FDX1: variants seen among roughly 807,000 people sequenced by gnomAD.
FDX1 encodes ferredoxin 1.
A neutral mutation model predicts 14.9 loss-of-function variants in FDX1; 9 were observed. That is an observed-to-expected ratio of 0.60 (90% CI 0.36 to 1.05). The LOEUF is 1.05. Among genes scored for constraint, FDX1 ranks in the 50% least tolerant of loss-of-function variants. The pLI is 0.01. For synonymous variants in FDX1, 92 were observed against 99.4 expected (o/e 0.93, Z 0.44); for missense variants, 204 against 237.2 (o/e 0.86, Z 0.92).
At chr11:110,439,731 A>G (rs1048343343) in intron 2 of FDX1, among the ~76,000 whole-genome samples, 1 of 152,192 alleles carries the variant, frequency 6.6e-6, no homozygotes, top group Non-Finnish European at 1.5e-5. Context: ...TTGAGGACTT[A>G]GTCATAAAAA....
At position 110,463,286 on chromosome 11, in the gene FDX1, T is replaced by C. The variant is rs1222394369; in HGVS notation, c.*818T>C. The C allele has an allele frequency of 3.9e-5, 6 of 152,212 alleles. No homozygotes were observed. Among genetic ancestry groups the C allele is most frequent in the Admixed American group, 3.3e-4 (5 of 15,292 alleles). 9.4% of individuals were successfully genotyped at this position (152,212 alleles called of 1,614,324 possible). On this transcript the variant is annotated 3_prime_UTR_variant, in exon 4 of 4. Transcript: ENST00000260270. ...TGAATTGTGTTTCTCTGTCCTGAGC[T>C]GGAGAAGGGAATGAGCAGGCTGACA...
intron 1 of FDX1, among the ~76,000 whole-genome samples, chr11:110,430,525 T>A (rs1017725993): frequency 6.6e-6 from 1 of 152,106 alleles, no homozygotes; most frequent in African/African-American, 2.4e-5. Context: ...AGAGTTCCTT[T>A]CCGCATCACC....
Position 110,464,555 on chromosome 11 carries a change from C to G in FDX1, c.*2087C>G, listed in dbSNP as rs1464565688. On this transcript the variant is annotated 3_prime_UTR_variant, in exon 4 of 4. Transcript: ENST00000260270. Reference sequence around the variant, plus strand: ...TCTCTGCTCTTAAAGGAGATCACCTCTTAAAGGACCCACCTTTCAATGCCA... The same window carrying G: ...TCTCTGCTCTTAAAGGAGATCACCTGTTAAAGGACCCACCTTTCAATGCCA... 1 of 152,178 alleles carries G rather than the reference C, an allele frequency of 6.6e-6. No homozygotes were observed. The highest frequency in any genetic ancestry group is 2.1e-4 in the South Asian group (1 of 4,826). 9.4% of individuals were successfully genotyped at this position (152,178 alleles called of 1,614,324 possible). A position where few individuals can be genotyped will look rare whatever the true frequency, so the allele number is the denominator to read the frequency against.
chr11:110,447,284 A>C (rs1237411372), intron 2 of FDX1, among the ~76,000 whole-genome samples: 2 of 76,328 alleles, frequency 2.6e-5, no homozygotes, highest in African/African-American at 1.0e-4. Flanking sequence ...AAAAAAAAAA[A>C]AAAAAAAAAA....
intron 2 of FDX1, among the ~76,000 whole-genome samples, chr11:110,439,541 T>G (rs1946392578): frequency 6.6e-6 from 1 of 152,170 alleles, no homozygotes; most frequent in African/African-American, 2.4e-5. Flanking sequence ...ATTTGTTTTT[T>G]GCTTGTTGAT....
intron 3 of FDX1, among the ~76,000 whole-genome samples, chr11:110,458,032 G>A (rs1298485602): frequency 6.6e-6 from 1 of 152,122 alleles, no homozygotes; most frequent in African/African-American, 2.4e-5. Context: ...TCAGTGCCGT[G>A]TTCTCTATGA....
rs1290366151 is a variant in FDX1, at chr11:110,464,261, G to T, written c.*1793G>T. The T allele has an allele frequency of 6.6e-6, 1 of 152,048 alleles. No individual in the cohort carries two copies. Among genetic ancestry groups the T allele is most frequent in the Non-Finnish European group, 1.5e-5 (1 of 68,018 alleles). The allele number at this position is 152,048 out of a possible 1,614,324, so 9.4% of individuals were successfully genotyped here. A position where few individuals can be genotyped will look rare whatever the true frequency, so the allele number is the denominator to read the frequency against. On this transcript the variant is annotated 3_prime_UTR_variant, in exon 4 of 4. Transcript: ENST00000260270. ...TGGAGAGTGCTTGTCTTAATTTTCTGTTGCTATAATAGAATAACACAGACT... is the reference window on the plus strand; with the variant it reads ...TGGAGAGTGCTTGTCTTAATTTTCTTTTGCTATAATAGAATAACACAGACT...
At chr11:110,450,806 G>C (rs10891115) in intron 2 of FDX1, among the ~76,000 whole-genome samples, 27,368 of 151,836 alleles carry the variant, frequency 0.18, 2,617 homozygotes, top group East Asian at 0.26. Context: ...GTATATCCAT[G>C]TATATATATA....
intron 2 of FDX1, among the ~76,000 whole-genome samples, chr11:110,448,663 A>AT (rs1167208146): frequency 6.6e-6 from 1 of 152,236 alleles, no homozygotes; most frequent in African/African-American, 2.4e-5. Context: ...TTTTAAAAAA[A>AT]CAAAACTTGG....
At chr11:110,433,927 A>G (rs910911718) in intron 1 of FDX1, among the ~76,000 whole-genome samples, 3 of 152,236 alleles carry the variant, frequency 2.0e-5, no homozygotes, top group Non-Finnish European at 4.4e-5. Context: ...TTTTACTTAA[A>G]GATTTGTTTG....
chr11:110,435,648 G>C (rs1946363282), intron 1 of FDX1, among the ~76,000 whole-genome samples, 186 bp from the exon 2 acceptor site: 1 of 152,162 alleles, frequency 6.6e-6, no homozygotes, highest in African/African-American at 2.4e-5. Context: ...AGGAATTTGA[G>C]ACCAGCTTGA....
chr11:110,433,879 T>C (rs7121928), intron 1 of FDX1, among the ~76,000 whole-genome samples: 49,541 of 152,084 alleles, frequency 0.33, 8,200 homozygotes, highest in East Asian at 0.39. Flanking sequence ...TTGATAACTT[T>C]CGAGATAGTT....
At chr11:110,455,056 G>T (rs1425031185) in intron 2 of FDX1, among the ~76,000 whole-genome samples, 1 of 152,166 alleles carries the variant, frequency 6.6e-6, no homozygotes, top group Non-Finnish European at 1.5e-5. Context: ...GCCCAGGCTG[G>T]AGTGCAGTGG....
At chr11:110,443,252 A>G (rs188144554) in intron 2 of FDX1, among the ~76,000 whole-genome samples, 4 of 151,726 alleles carry the variant, frequency 2.6e-5, no homozygotes, top group Admixed American at 1.3e-4. Context: ...CTGAAAATTC[A>G]TCTTTACCCC....
At chr11:110,434,363 G>A (rs574851266) in intron 1 of FDX1, among the ~76,000 whole-genome samples, 1 of 136,260 alleles carries the variant, frequency 7.3e-6, no homozygotes, top group Non-Finnish European at 1.5e-5. Flanking sequence ...TGGAGACAGA[G>A]TTTCACTCTG....
At chr11:110,448,801 A>T (rs1946468596) in intron 2 of FDX1, among the ~76,000 whole-genome samples, 1 of 152,244 alleles carries the variant, frequency 6.6e-6, no homozygotes, top group Non-Finnish European at 1.5e-5. Flanking sequence ...AATCAGAAGC[A>T]TTGCAGAAAC....
At chr11:110,445,346 CTTT>C (rs1946443588) in intron 2 of FDX1, among the ~76,000 whole-genome samples, 1 of 151,980 alleles carries the variant, frequency 6.6e-6, no homozygotes, top group Admixed American at 6.5e-5. Context: ...TGAAAGTATT[CTTT>C]TAAGTTTTTA....
chr11:110,464,751 A>G lies in FDX1; in HGVS notation c.*2283A>G, dbSNP rs1449215676. Reference sequence around the variant, plus strand: ...TCCTTCCAGAGCTACTTTAATGATTATATTCAACCAAAGCACTCTAAAATT... The same window carrying G: ...TCCTTCCAGAGCTACTTTAATGATTGTATTCAACCAAAGCACTCTAAAATT... On this transcript the variant is annotated 3_prime_UTR_variant, in exon 4 of 4. Coordinates refer to ENST00000260270, the MANE Select transcript of FDX1 (RefSeq NM_004109.5). 1 of 152,196 alleles carries G rather than the reference A, an allele frequency of 6.6e-6. No individual in the cohort carries two copies. The highest frequency in any genetic ancestry group is 2.4e-5 in the African/African-American group (1 of 41,442). 9.4% of individuals were successfully genotyped at this position (152,196 alleles called of 1,614,324 possible).
At chr11:110,447,931 T>C (rs1201089723) in intron 2 of FDX1, among the ~76,000 whole-genome samples, 3 of 152,252 alleles carry the variant, frequency 2.0e-5, no homozygotes, top group African/African-American at 7.2e-5. Flanking sequence ...AAGTCATTCC[T>C]GTTTAATTCC....
Sources: allele counts gnomAD v4.1 joint callset (sites outside exome capture counted in the v4.1 genomes callset), GRCh38; gene constraint gnomAD v4.1.1; transcripts MANE v1.5; gene names NCBI Gene and HGNC (gene_info 2026-07-23, HGNC 2026-07-21).